MYO6: variants seen among roughly 807,000 people sequenced by gnomAD.
The protein encoded by MYO6 is unconventional myosin-VI.
Under a neutral mutation model 178.7 loss-of-function variants are expected in MYO6, and 74 were observed. That is an observed-to-expected ratio of 0.41 (90% CI 0.34 to 0.50). The LOEUF is 0.50. MYO6 is among the 20% of genes least tolerant of loss of function. MYO6 has a pLI of 0.09. For missense variants in MYO6, 1,330 were observed against 1,547.4 expected (o/e 0.86, Z 2.36); for synonymous variants, 477 against 504.6 (o/e 0.95, Z 0.73).
At position 75,890,283 on chromosome 6, in the gene MYO6, T is replaced by C. The variant is rs537407671; in HGVS notation, c.2867+18T>C. 8.1e-6 allele frequency: 13 copies of C among 1,613,414 alleles called. No individual in the cohort carries two copies. In the Admixed American group the frequency reaches 8.3e-5, roughly 10 times the overall value. On this transcript the variant is annotated intron_variant, in intron 26 of 34. Coordinates refer to ENST00000369977, the MANE Select transcript of MYO6 (RefSeq NM_004999.4). The stretch of plus-strand genomic sequence containing the variant: ...AGGCGGATGTGAGGCATTTATATTA[T>C]TTTGAATAAGAGACTTAAAGAAATA...
chr6:75,789,240 G>A (rs531376860), intron 1 of MYO6, among the ~76,000 whole-genome samples: 2 of 152,192 alleles, frequency 1.3e-5, no homozygotes, highest in East Asian at 3.9e-4. Context: ...TGCTAAGAAA[G>A]AAAAAAGTCA....
In MYO6 at chr6:75,817,665, G is replaced by A; in HGVS notation, c.117+1G>A. 1.2e-6 allele frequency: 2 copies of A among 1,611,724 alleles called. No individual in the cohort carries two copies. The highest frequency in any genetic ancestry group is 1.7e-6 in the Non-Finnish European group (2 of 1,177,828). On this transcript the variant is annotated splice_donor_variant, in intron 2 of 34. Coordinates refer to ENST00000369977, the MANE Select transcript of MYO6 (RefSeq NM_004999.4). LOFTEE classifies it high-confidence loss of function. ...TGAACCCTTGAATCAGAAAGGCAAG[G>A]TGAGTTTCTCAGAAAGATGTTGAAA...
intron 27 of MYO6, among the ~76,000 whole-genome samples, chr6:75,891,641 A>G (rs1199882365): frequency 6.6e-6 from 1 of 152,082 alleles, no homozygotes; most frequent in African/African-American, 2.4e-5. Flanking sequence ...CAAAAAAAAT[A>G]AAAAATAAAA....
chr6:75,890,122 A>G lies in MYO6; in HGVS notation c.2724A>G (p.Glu908=), dbSNP rs764338309. The G allele has an allele frequency of 2.5e-6, 4 of 1,613,858 alleles. No individual in the cohort carries two copies. The highest frequency in any genetic ancestry group is 3.4e-6 in the Non-Finnish European group (4 of 1,179,958). The part of the protein sequence containing the change: ...EYDALVKSSE[E]LLSALQKKKQ... ...ATGCACTGGTTAAAAGCTCAGAGGA[A>G]CTCCTCAGTGCATTACAGAAAAAAA... Residue 908 remains glutamate (E), a synonymous_variant, in exon 26 of 35, where the codon GAA becomes GAG. Coordinates refer to ENST00000369977, the MANE Select transcript of MYO6 (RefSeq NM_004999.4).
At chr6:75,762,047 T>C (rs557262246) in intron 1 of MYO6, among the ~76,000 whole-genome samples, 1 of 152,126 alleles carries the variant, frequency 6.6e-6, no homozygotes, top group South Asian at 2.1e-4. Flanking sequence ...TTCTCCTGCC[T>C]CAGCCTCCTG....
rs769889578 is a variant in MYO6, at chr6:75,830,439, T to C, written c.285T>C (p.Ile95=). The part of the protein sequence containing the change: ...RIYTYVANIL[I]AVNPYFDIPK... ...AGACATATGTCGCCAACATTCTGAT[T>C]GCAGTGAATCCATACTTTGACATAC... Residue 95 remains isoleucine, a synonymous_variant, in exon 5 of 35, where the codon ATT becomes ATC. Transcript: ENST00000369977. The C allele has an allele frequency of 3.7e-6, 6 of 1,611,976 alleles. No individual in the cohort carries two copies. The East Asian group carries it at 6.7e-5, about 18-fold the overall frequency.
intron 1 of MYO6, among the ~76,000 whole-genome samples, chr6:75,799,513 A>T (rs190096115): frequency 6.6e-6 from 1 of 152,314 alleles, no homozygotes; most frequent in Non-Finnish European, 1.5e-5. Flanking sequence ...TCAACTTTTG[A>T]AATGTTAAAA....
chr6:75,842,515 T>C (rs1774337351), intron 9 of MYO6, among the ~76,000 whole-genome samples: 2 of 152,190 alleles, frequency 1.3e-5, no homozygotes, highest in Admixed American at 6.5e-5. Context: ...TTCTTTTACT[T>C]CAATTTCTTT....
intron 3 of MYO6, among the ~76,000 whole-genome samples, chr6:75,824,783 A>G (rs1031212430): frequency 3.5e-5 from 5 of 144,216 alleles, no homozygotes; most frequent in African/African-American, 1.0e-4. Context: ...TTTTTTTGAG[A>G]CAGTCTCGCT....
intron 16 of MYO6, among the ~76,000 whole-genome samples, chr6:75,863,940 A>G (rs1776429187): frequency 6.6e-6 from 1 of 152,146 alleles, no homozygotes; most frequent in Admixed American, 6.6e-5. Flanking sequence ...TACCTGAGGT[A>G]ATAAAAGCAC....
chr6:75,815,612 A>G (rs1243730568), intron 1 of MYO6, among the ~76,000 whole-genome samples: 4 of 152,236 alleles, frequency 2.6e-5, no homozygotes, highest in Non-Finnish European at 4.4e-5. Context: ...TCAACTTGGA[A>G]TTGTACATAA....
intron 6 of MYO6, among the ~76,000 whole-genome samples, chr6:75,835,338 CAT>C (rs1479056686): frequency 2.0e-5 from 3 of 152,240 alleles, no homozygotes; most frequent in Admixed American, 6.5e-5. Flanking sequence ...TCAGGCCACA[CAT>C]GTGCAGGTTT....
At chr6:75,832,233 C>G (rs1216384545) in intron 5 of MYO6, among the ~76,000 whole-genome samples, 1 of 152,046 alleles carries the variant, frequency 6.6e-6, no homozygotes, top group Admixed American at 6.6e-5. Context: ...AAATTTAAAG[C>G]TGTTAATTTT....
At chr6:75,752,553 C>CAGA (rs1776989954) in intron 1 of MYO6, among the ~76,000 whole-genome samples, 1 of 152,194 alleles carries the variant, frequency 6.6e-6, no homozygotes, top group Non-Finnish European at 1.5e-5. Context: ...TTTTTTCCAC[C>CAGA]AGAACAGTTT....
chr6:75,809,285 A>G (rs1210087527), intron 1 of MYO6, among the ~76,000 whole-genome samples: 1 of 152,218 alleles, frequency 6.6e-6, no homozygotes, highest in Admixed American at 6.5e-5. Flanking sequence ...CAGGATTTAC[A>G]GCCAAGGAAC....
At position 75,895,146 on chromosome 6, in the gene MYO6, G is replaced by GT. The variant is rs1374019570; in HGVS notation, c.3108-84dup. 4 of 1,020,194 alleles carry GT rather than the reference G, an allele frequency of 3.9e-6. No homozygotes were observed. The African/African-American group carries it at 4.8e-5, about 12-fold the overall frequency. 63.2% of individuals were successfully genotyped at this position (1,020,194 alleles called of 1,614,324 possible). On this transcript the variant is annotated intron_variant, in intron 28 of 34. Transcript: ENST00000369977. ...TGAGTTTTTAAAATCAATGAGTAAAGTAATTGAAACACAAATTTGCACAAT... is the reference window on the plus strand; with the variant it reads ...TGAGTTTTTAAAATCAATGAGTAAAGTTAATTGAAACACAAATTTGCACAAT...
At chr6:75,845,892 C>T (rs1271508183) in intron 10 of MYO6, among the ~76,000 whole-genome samples, 1 of 151,040 alleles carries the variant, frequency 6.6e-6, no homozygotes, top group Non-Finnish European at 1.5e-5. Flanking sequence ...GAGGCTGAGG[C>T]AGGAGAATCG....
chr6:75,878,818 G>A (rs1777771670), intron 20 of MYO6, among the ~76,000 whole-genome samples: 2 of 152,086 alleles, frequency 1.3e-5, no homozygotes, highest in African/African-American at 2.4e-5. Flanking sequence ...TGAAATCTAG[G>A]TCTTGTAAAT....
chr6:75,811,886 T>A (rs1249045456), intron 1 of MYO6, among the ~76,000 whole-genome samples: 1 of 152,218 alleles, frequency 6.6e-6, no homozygotes, highest in Non-Finnish European at 1.5e-5. Context: ...TCACAGCAGT[T>A]CTGAAAGGTA....
Sources: allele counts gnomAD v4.1 joint callset (sites outside exome capture counted in the v4.1 genomes callset), GRCh38; gene constraint gnomAD v4.1.1; transcripts MANE v1.5; gene names NCBI Gene and HGNC (gene_info 2026-07-23, HGNC 2026-07-21).